Variants in ZNRF2 observed in about 807,000 individuals in gnomAD.
ZNRF2 encodes the protein zinc and ring finger 2.
Under a neutral mutation model 20.4 loss-of-function variants are expected in ZNRF2, and 16 were observed. That is an observed-to-expected ratio of 0.79 (90% CI 0.53 to 1.19). The LOEUF is 1.19. Ranked by LOEUF, ZNRF2 falls within the 50% of genes most tolerant of loss-of-function variation. The pLI, the probability that ZNRF2 is intolerant of heterozygous loss-of-function variation, is 0.00. For synonymous variants in ZNRF2, 178 were observed against 144.9 expected (o/e 1.23, Z -1.64); for missense variants, 363 against 332.4 (o/e 1.09, Z -0.72).
At chr7:30,329,426 C>T (rs1221875170) in intron 2 of ZNRF2, among the ~76,000 whole-genome samples, 1 of 152,100 alleles carries the variant, frequency 6.6e-6, no homozygotes, top group African/African-American at 2.4e-5. Context: ...TAATCAAACC[C>T]TCTTTATATC....
chr7:30,287,415 T>C (rs1404639903), intron 1 of ZNRF2, among the ~76,000 whole-genome samples: 1 of 152,210 alleles, frequency 6.6e-6, no homozygotes, highest in Non-Finnish European at 1.5e-5. Context: ...AAAAGCCTTG[T>C]CAAGTTAATA....
intron 2 of ZNRF2, among the ~76,000 whole-genome samples, chr7:30,352,830 T>C (rs1799979204): frequency 6.6e-6 from 1 of 152,134 alleles, no homozygotes; most frequent in African/African-American, 2.4e-5. Flanking sequence ...TTCCCAACTG[T>C]CTTGAAGATG....
intron 1 of ZNRF2, among the ~76,000 whole-genome samples, chr7:30,322,780 G>A (rs944404032): frequency 6.6e-6 from 1 of 152,158 alleles, no homozygotes. Context: ...GCTTAGTGGT[G>A]TCAGGGGAGG....
intron 1 of ZNRF2, among the ~76,000 whole-genome samples, chr7:30,301,723 ACTT>A (rs1244662472): frequency 2.1e-4 from 30 of 146,014 alleles, no homozygotes; most frequent in Non-Finnish European, 2.8e-4. Context: ...AAAAAAAAAA[ACTT>A]ATCTTTGTCT....
chr7:30,300,006 G>C (rs1379160302), intron 1 of ZNRF2, among the ~76,000 whole-genome samples: 4 of 151,898 alleles, frequency 2.6e-5, no homozygotes, highest in Admixed American at 6.6e-5. Flanking sequence ...GGATGGTCTT[G>C]ATCTCCTGAC....
chr7:30,345,867 G>A (rs73687808), intron 2 of ZNRF2, among the ~76,000 whole-genome samples: 3,890 of 152,096 alleles, frequency 0.026, 125 homozygotes, highest in African/African-American at 0.071. Context: ...ACCCATAGTT[G>A]CGTTACAGTT....
chr7:30,297,865 T>C (rs1259221933), intron 1 of ZNRF2, among the ~76,000 whole-genome samples: 1 of 151,950 alleles, frequency 6.6e-6, no homozygotes, highest in Non-Finnish European at 1.5e-5. Flanking sequence ...CTTGAGGGAT[T>C]TATTTATTTA....
At position 30,335,988 on chromosome 7, in the gene ZNRF2, A is replaced by T. The variant is rs897712611; in HGVS notation, c.565+12251A>T. Among the ~76,000 whole-genome samples, 3 of 152,276 alleles carry T rather than the reference A, an allele frequency of 2.0e-5. No individual in the cohort carries two copies. In the South Asian group the frequency reaches 6.2e-4, roughly 32 times the overall value. On this transcript the variant is annotated intron_variant, in intron 2 of 4. Coordinates refer to ENST00000323037, the MANE Select transcript of ZNRF2 (RefSeq NM_147128.4). The stretch of plus-strand genomic sequence containing the variant: ...TGAAGGTTAGCAGTGGAGTGACTCA[A>T]TTCAGGGGTAAAGAGATTTTGAGAG...
intron 4 of ZNRF2, among the ~76,000 whole-genome samples, chr7:30,364,326 A>C (rs780193468): frequency 2.6e-5 from 4 of 152,180 alleles, no homozygotes; most frequent in Non-Finnish European, 5.9e-5. Flanking sequence ...TGCCAATTTT[A>C]ACCTTTCCTG....
intron 2 of ZNRF2, among the ~76,000 whole-genome samples, chr7:30,345,008 A>G (rs1242274352): frequency 1.3e-5 from 2 of 152,162 alleles, no homozygotes; most frequent in African/African-American, 4.8e-5. Context: ...CAGAATGCCC[A>G]AAGAACTCTT....
chr7:30,356,783 G>A (rs1800046627), intron 3 of ZNRF2, among the ~76,000 whole-genome samples: 1 of 140,426 alleles, frequency 7.1e-6, no homozygotes, highest in Non-Finnish European at 1.5e-5. Flanking sequence ...TCGGCTCACT[G>A]CAAGCTCCGC....
intron 1 of ZNRF2, among the ~76,000 whole-genome samples, chr7:30,299,561 T>A (rs1406518280): frequency 6.6e-6 from 1 of 152,074 alleles, no homozygotes; most frequent in African/African-American, 2.4e-5. Context: ...CCCCAAAAAA[T>A]CAGGTTAGAT....
chr7:30,289,783 A>G (rs749947365), intron 1 of ZNRF2: 1 of 534,424 alleles, frequency 1.9e-6, no homozygotes, highest in Non-Finnish European at 3.8e-6. Context: ...TGACCTAAGA[A>G]CCTGGTATTT....
At chr7:30,316,846 A>G (rs1413748293) in intron 1 of ZNRF2, among the ~76,000 whole-genome samples, 3 of 152,168 alleles carry the variant, frequency 2.0e-5, no homozygotes, top group Non-Finnish European at 4.4e-5. Context: ...AATTTTTCAT[A>G]ACAGATAATT....
chr7:30,364,965 G>C (rs189011162), intron 4 of ZNRF2, among the ~76,000 whole-genome samples: 1 of 152,036 alleles, frequency 6.6e-6, no homozygotes, highest in Non-Finnish European at 1.5e-5. Flanking sequence ...GTGTCCTCAC[G>C]TGGTGGGATA....
intron 1 of ZNRF2, among the ~76,000 whole-genome samples, chr7:30,304,176 C>G (rs1485219726): frequency 1.3e-5 from 2 of 152,146 alleles, no homozygotes; most frequent in Non-Finnish European, 1.5e-5. Context: ...GGTTTCCAGT[C>G]TCCTCTCCTT....
intron 4 of ZNRF2, among the ~76,000 whole-genome samples, chr7:30,363,613 A>C (rs1407123121): frequency 6.6e-6 from 1 of 152,192 alleles, no homozygotes; most frequent in African/African-American, 2.4e-5. Flanking sequence ...GTGCCTGTCT[A>C]TATAGTAGGC....
At chr7:30,362,797 C>T (rs1800148722) in intron 4 of ZNRF2, among the ~76,000 whole-genome samples, 1 of 151,992 alleles carries the variant, frequency 6.6e-6, no homozygotes. Flanking sequence ...CACCTGTAAT[C>T]CGAGCTACTC....
chr7:30,358,999 A>G (rs1348060645), intron 3 of ZNRF2, among the ~76,000 whole-genome samples: 26 of 152,230 alleles, frequency 1.7e-4, no homozygotes, highest in Admixed American at 1.7e-3. Context: ...AATGAAAAAA[A>G]TTGATTTGCC....
Sources: allele counts gnomAD v4.1 joint callset (sites outside exome capture counted in the v4.1 genomes callset), GRCh38; gene constraint gnomAD v4.1.1; transcripts MANE v1.5; gene names NCBI Gene and HGNC (gene_info 2026-07-23, HGNC 2026-07-21).